The following BRAF variants were observed in gnomAD, a reference collection of about 807,000 sequenced individuals.
BRAF encodes B-Raf proto-oncogene, serine/threonine kinase.
Under a neutral mutation model 104.6 loss-of-function variants are expected in BRAF, and 16 were observed. The observed-to-expected ratio is 0.15, with a 90% CI of 0.10 to 0.23. BRAF has a LOEUF of 0.23. Among genes scored for constraint, BRAF ranks in the 10% least tolerant of loss-of-function variants. The pLI is 1.00. For missense variants in BRAF, 541 were observed against 937.3 expected (o/e 0.58, Z 5.52); for synonymous variants, 310 against 341.6 (o/e 0.91, Z 1.02).
At chr7:140,857,215 CAGAG>C (rs1252142156) in intron 1 of BRAF, among the ~76,000 whole-genome samples, 1 of 152,180 alleles carries the variant, frequency 6.6e-6, no homozygotes, top group African/African-American at 2.4e-5. Context: ...AAAAACTCAG[CAGAG>C]AAAGATCTGA....
chr7:140,743,863 T>C (rs1281184789), intron 17 of BRAF, among the ~76,000 whole-genome samples: 4 of 152,334 alleles, frequency 2.6e-5, no homozygotes, highest in Admixed American at 2.6e-4. Context: ...AACGAGTCTG[T>C]TGGTTTCCAA....
chr7:140,912,084 T>C (rs1054473686), intron 1 of BRAF, among the ~76,000 whole-genome samples: 6 of 152,206 alleles, frequency 3.9e-5, no homozygotes, highest in African/African-American at 1.4e-4. Context: ...GCCCAGGAGT[T>C]GGAGGCTGCA....
At chr7:140,881,501 C>T (rs1812917674) in intron 1 of BRAF, among the ~76,000 whole-genome samples, 1 of 152,220 alleles carries the variant, frequency 6.6e-6, no homozygotes, top group Admixed American at 6.5e-5. Flanking sequence ...GTGATCCTCC[C>T]ACCTTGGCCT....
intron 1 of BRAF, among the ~76,000 whole-genome samples, chr7:140,859,003 A>G (rs551388554): frequency 3.3e-5 from 5 of 152,186 alleles, no homozygotes; most frequent in Non-Finnish European, 5.9e-5. Context: ...TGGATATAAA[A>G]TCAAGGACAT....
intron 17 of BRAF, among the ~76,000 whole-genome samples, chr7:140,746,978 A>C (rs1797405419): frequency 1.3e-5 from 2 of 152,160 alleles, no homozygotes; most frequent in South Asian, 4.1e-4. Flanking sequence ...GCCACCTCAG[A>C]CTATGGGTAT....
intron 3 of BRAF, among the ~76,000 whole-genome samples, chr7:140,826,889 T>C (rs1806110820): frequency 1.3e-5 from 2 of 152,198 alleles, no homozygotes; most frequent in Non-Finnish European, 2.9e-5. Flanking sequence ...AGAATGATTC[T>C]TCCCCCCTCA....
chr7:140,716,033 T>G (rs189157926), downstream of BRAF, among the ~76,000 whole-genome samples: 32 of 152,352 alleles, frequency 2.1e-4, no homozygotes, highest in East Asian at 6.0e-3. Context: ...GAATTTCATA[T>G]TACCTAGCAT....
intron 15 of BRAF, 26 bp from the exon 15 acceptor site, chr7:140,753,419 C>T (rs1366083469): frequency 7.1e-7 from 1 of 1,412,610 alleles, no homozygotes; most frequent in African/African-American, 1.4e-5. Context: ...TAAAGGAAAA[C>T]AGTAGATCTC....
At position 140,749,346 on chromosome 7, in the gene BRAF, C is replaced by G. The variant is rs778397955; in HGVS notation, c.2053G>C (p.Val685Leu). The change falls in exon 17 of 20, where the codon GTT becomes CTT. Residue 685 changes from valine (V) to leucine (L), a missense_variant. Coordinates refer to ENST00000644969, the MANE Select transcript of BRAF (RefSeq NM_001374258.1). Reference protein sequence around the residue: ...FQSDVYAFGIVLYELMTGQLP... With the variant: ...FQSDVYAFGILLYELMTGQLP... ...TGTCCAGTCATCAATTCATACAGAA[C>G]AATTCCAAATGCATATACATCTGAC... is the stretch of plus-strand genomic sequence containing the variant. 1 of 1,612,892 alleles carries G rather than the reference C, an allele frequency of 6.2e-7. No homozygotes were observed. Among genetic ancestry groups the G allele is most frequent in the Non-Finnish European group, 8.5e-7 (1 of 1,179,538 alleles).
rs1269083577 is a variant in BRAF at position 140,723,982 on chromosome 7, GA to G, written c.*2511del. 3.8e-6 allele frequency: 4 copies of G among 1,041,230 alleles called. No individual in the cohort carries two copies. The highest frequency in any genetic ancestry group is 4.4e-4 in the Middle Eastern group (1 of 2,256). 64.5% of individuals were successfully genotyped at this position (1,041,230 alleles called of 1,614,324 possible). On this transcript the variant is annotated 3_prime_UTR_variant, in exon 20 of 20. Transcript: ENST00000644969. ...GAAAAAACCTATTTCATAGAAAAAG[GA>G]AGAAAAGAGAGGTTTAAATATTTTA...
intron 17 of BRAF, chr7:140,741,338 G>A (rs1185283861): frequency 6.6e-6 from 1 of 152,184 alleles, no homozygotes; most frequent in Admixed American, 6.5e-5. Flanking sequence ...AACAGGATTT[G>A]TAGAGAAGAC....
intron 10 of BRAF, among the ~76,000 whole-genome samples, chr7:140,784,904 C>T (rs1192335594): frequency 6.6e-6 from 1 of 152,150 alleles, no homozygotes; most frequent in Non-Finnish European, 1.5e-5. Flanking sequence ...ACCTCGGCCT[C>T]CCAAAGTGCT....
In BRAF at chr7:140,799,328, T is replaced by G. The variant is rs966763354; in HGVS notation, c.980+1034A>C. The G allele has an allele frequency of 2.1e-5, 5 of 232,648 alleles. 1 individual carries two copies. The South Asian group carries it at 7.2e-4, about 34-fold the overall frequency. 14.4% of individuals were successfully genotyped at this position (232,648 alleles called of 1,614,324 possible). On this transcript the variant is annotated intron_variant, in intron 7 of 19. Transcript: ENST00000644969. ...CTACCAACAACATCCTAGGTTGGCC[T>G]TCTTCACCCTAAATTTTCTGTCAAT...
intron 19 of BRAF, among the ~76,000 whole-genome samples, chr7:140,727,185 C>CTTT (rs927393889): frequency 2.3e-5 from 3 of 128,652 alleles, no homozygotes; most frequent in African/African-American, 9.4e-5. Context: ...TTATTTTTTT[C>CTTT]TTTTTTTTTT....
At chr7:140,880,795 T>TG (rs976509520) in intron 1 of BRAF, among the ~76,000 whole-genome samples, 4 of 142,922 alleles carry the variant, frequency 2.8e-5, no homozygotes, top group Non-Finnish European at 5.9e-5. Flanking sequence ...ACATAGACCC[T>TG]GTCTCTATTA....
intron 14 of BRAF, among the ~76,000 whole-genome samples, chr7:140,774,809 G>A (rs887389228): frequency 2.6e-5 from 4 of 152,170 alleles, no homozygotes; most frequent in Admixed American, 2.6e-4. Context: ...GAGCCAACAT[G>A]CCCAGCCACA....
At chr7:140,797,510 A>AC (rs1802614405) in intron 7 of BRAF, among the ~76,000 whole-genome samples, 1 of 152,180 alleles carries the variant, frequency 6.6e-6, no homozygotes, top group South Asian at 2.1e-4. Context: ...TACAGAGACA[A>AC]CCATATGGAG....
chr7:140,761,360 G>C (rs1242391261), intron 14 of BRAF, among the ~76,000 whole-genome samples: 4 of 151,828 alleles, frequency 2.6e-5, no homozygotes, highest in Non-Finnish European at 4.4e-5. Flanking sequence ...CCACCCCCAG[G>C]CCTGCCCTAA....
intron 2 of BRAF, among the ~76,000 whole-genome samples, chr7:140,845,889 C>T (rs1180705194): frequency 6.6e-6 from 1 of 152,134 alleles, no homozygotes; most frequent in Admixed American, 6.5e-5. Context: ...TCATGTTAGT[C>T]AGGCTGGTCT....
Sources: gnomAD v4.1 joint callset for allele counts (sites outside exome capture counted in the v4.1 genomes callset) on GRCh38, gnomAD v4.1.1 for gene constraint, MANE v1.5 for transcripts, NCBI Gene and HGNC (gene_info 2026-07-23, HGNC 2026-07-21) for gene names.